Variants in SCHIP1 observed in about 807,000 individuals in gnomAD.
The protein encoded by SCHIP1 is schwannomin interacting protein 1.
In SCHIP1, 8 loss-of-function variants were observed where a neutral mutation model predicts 29.7. The observed-to-expected ratio is 0.27, with a 90% CI of 0.16 to 0.49. The LOEUF (loss-of-function observed/expected upper bound fraction) is 0.49. Among genes scored for constraint, SCHIP1 ranks in the 20% least tolerant of loss-of-function variants. The pLI, the probability that SCHIP1 is intolerant of heterozygous loss-of-function variation, is 0.99. For synonymous variants in SCHIP1, 76 were observed against 94.9 expected (o/e 0.80, Z 1.16); for missense variants, 193 against 294.6 (o/e 0.66, Z 2.52).
At chr3:159,850,156 G>A (rs902476903) in intron 1 of SCHIP1, among the ~76,000 whole-genome samples, 1 of 152,132 alleles carries the variant, frequency 6.6e-6, no homozygotes, top group Non-Finnish European at 1.5e-5. Flanking sequence ...AGAGATATGC[G>A]ACAATACGTG....
the SCHIP1 span, among the ~76,000 whole-genome samples, chr3:159,398,280 C>T: frequency 2.6e-5 from 4 of 152,110 alleles, no homozygotes; most frequent in Admixed American, 6.5e-5. Flanking sequence ...AGAAATCACC[C>T]GTCTTCTGCG....
chr3:159,496,869 T>G, the SCHIP1 span, among the ~76,000 whole-genome samples: 1 of 152,064 alleles, frequency 6.6e-6, no homozygotes, highest in Non-Finnish European at 1.5e-5. Context: ...TGTCCAACAA[T>G]GATAGACTGG....
the SCHIP1 span, among the ~76,000 whole-genome samples, chr3:159,713,291 GAAAA>G: frequency 1.0e-4 from 15 of 143,832 alleles, no homozygotes; most frequent in East Asian, 2.1e-3. Context: ...AAAGAAAAAA[GAAAA>G]GAAAGAAAGA....
At chr3:159,688,931 G>A in the SCHIP1 span, among the ~76,000 whole-genome samples, 48 of 152,230 alleles carry the variant, frequency 3.2e-4, no homozygotes, top group African/African-American at 1.0e-3. Context: ...TATTTGTGAG[G>A]CCTCTGTTCT....
the SCHIP1 span, among the ~76,000 whole-genome samples, chr3:159,394,585 G>C: frequency 0.14 from 21,027 of 152,038 alleles, 1,703 homozygotes; most frequent in African/African-American, 0.2. Flanking sequence ...TGTGGTTTTT[G>C]TCTTTGGCTC....
chr3:159,444,345 T>C, the SCHIP1 span, among the ~76,000 whole-genome samples: 3 of 152,104 alleles, frequency 2.0e-5, no homozygotes, highest in African/African-American at 7.2e-5. Context: ...ATGCGAGGCA[T>C]GGACCTGCAG....
At chr3:159,493,297 A>T in the SCHIP1 span, among the ~76,000 whole-genome samples, 2 of 152,354 alleles carry the variant, frequency 1.3e-5, no homozygotes, top group Admixed American at 6.5e-5. Context: ...ATTAAAAAGC[A>T]CATACTGGCA....
At chr3:159,640,879 C>T in the SCHIP1 span, among the ~76,000 whole-genome samples, 1 of 152,154 alleles carries the variant, frequency 6.6e-6, no homozygotes, top group Non-Finnish European at 1.5e-5. Flanking sequence ...GGTTAATCAG[C>T]TCTGAAGCAG....
chr3:159,276,346 G>A, the SCHIP1 span, among the ~76,000 whole-genome samples: 1 of 152,148 alleles, frequency 6.6e-6, no homozygotes, highest in Non-Finnish European at 1.5e-5. Context: ...TTATTTCAGT[G>A]AGCAGGATGC....
At chr3:159,604,275 A>G in the SCHIP1 span, among the ~76,000 whole-genome samples, 1 of 152,238 alleles carries the variant, frequency 6.6e-6, no homozygotes, top group Non-Finnish European at 1.5e-5. Context: ...TAATGAAGTC[A>G]TAAGCAGCCT....
the SCHIP1 span, among the ~76,000 whole-genome samples, chr3:159,334,681 CT>C: frequency 1.3e-5 from 2 of 151,990 alleles, no homozygotes; most frequent in African/African-American, 4.8e-5. Flanking sequence ...TAAAATAATG[CT>C]TTTGAGAGTC....
chr3:159,669,137 T>C, the SCHIP1 span, among the ~76,000 whole-genome samples: 2 of 152,218 alleles, frequency 1.3e-5, no homozygotes, highest in South Asian at 4.1e-4. Flanking sequence ...ACATTCCATT[T>C]CTTTTTCTGG....
the SCHIP1 span, among the ~76,000 whole-genome samples, chr3:159,574,965 G>T: frequency 6.6e-6 from 1 of 152,238 alleles, no homozygotes; most frequent in East Asian, 1.9e-4. Context: ...TGGGAAAAGT[G>T]CAGTATTTGG....
At chr3:159,703,516 A>AGCAAGAGGTCCCATGGCAGTATTATG in the SCHIP1 span, among the ~76,000 whole-genome samples, 1 of 152,182 alleles carries the variant, frequency 6.6e-6, no homozygotes, top group African/African-American at 2.4e-5. Context: ...GAGGTCCCAC[A>AGCAAGAGGTCCCATGGCAGTATTATG]GCAGGACATA....
At chr3:159,881,710 C>A (rs773596479) in intron 2 of SCHIP1, among the ~76,000 whole-genome samples, 3 of 152,182 alleles carry the variant, frequency 2.0e-5, no homozygotes, top group Non-Finnish European at 1.5e-5. Flanking sequence ...GACCCTGTAC[C>A]AGTTACCTAT....
At chr3:159,566,683 A>G in the SCHIP1 span, among the ~76,000 whole-genome samples, 2 of 152,162 alleles carry the variant, frequency 1.3e-5, no homozygotes, top group Non-Finnish European at 2.9e-5. Flanking sequence ...GCAAATGCCC[A>G]GAGGTAGAAA....
the SCHIP1 span, chr3:159,306,579 A>G: frequency 7.6e-6 from 7 of 919,432 alleles, no homozygotes; most frequent in Non-Finnish European, 7.8e-6. Flanking sequence ...TAAAAATGCT[A>G]TTTTCCTTTA....
intron 2 of SCHIP1, among the ~76,000 whole-genome samples, chr3:159,877,882 C>G (rs1207055563): frequency 1.3e-5 from 2 of 152,184 alleles, no homozygotes; most frequent in Non-Finnish European, 2.9e-5. Context: ...ACGTTAGAGT[C>G]TGTAATTTAC....
At chr3:159,585,513 A>T in the SCHIP1 span, among the ~76,000 whole-genome samples, 1 of 152,212 alleles carries the variant, frequency 6.6e-6, no homozygotes, top group Non-Finnish European at 1.5e-5. Context: ...GATGTTGGGC[A>T]GAAGTTAGAA....
Sources: gnomAD v4.1 joint callset for allele counts (sites outside exome capture counted in the v4.1 genomes callset) on GRCh38, gnomAD v4.1.1 for gene constraint, MANE v1.5 for transcripts, NCBI Gene and HGNC (gene_info 2026-07-23, HGNC 2026-07-21) for gene names.